Variants in ANKRD13C observed in about 807,000 individuals in gnomAD.
The protein encoded by ANKRD13C is ankyrin repeat domain 13C.
A neutral mutation model predicts 65.5 loss-of-function variants in ANKRD13C; 16 were observed. That is an observed-to-expected ratio of 0.24 (90% CI 0.17 to 0.37). The LOEUF is 0.37. ANKRD13C is among the 10% of genes least tolerant of loss of function. ANKRD13C has a pLI of 1.00. For synonymous variants in ANKRD13C, 235 were observed against 238.7 expected, an observed-to-expected ratio of 0.98 and a Z score of 0.14; for missense variants, 503 against 655.9, an observed-to-expected ratio of 0.77 and a Z score of 2.55.
intron 2 of ANKRD13C, among the ~76,000 whole-genome samples, chr1:70,334,075 G>A (rs988453038): frequency 2.6e-5 from 4 of 152,212 alleles, no homozygotes; most frequent in Non-Finnish European, 5.9e-5. Flanking sequence ...TGTAATCCCA[G>A]TGTTCTGGGA....
intron 12 of ANKRD13C, among the ~76,000 whole-genome samples, chr1:70,269,952 A>G (rs965014476): frequency 6.6e-6 from 1 of 152,190 alleles, no homozygotes; most frequent in East Asian, 1.9e-4. Flanking sequence ...GGAGCTCCTG[A>G]AGCTTGAATT....
chr1:70,274,218 A>G (rs969888168), intron 11 of ANKRD13C, among the ~76,000 whole-genome samples: 1 of 151,746 alleles, frequency 6.6e-6, no homozygotes, highest in African/African-American at 2.4e-5. Context: ...TCACGCCTGT[A>G]ATCCCAGCAC....
intron 1 of ANKRD13C, among the ~76,000 whole-genome samples, chr1:70,344,439 G>C (rs1682443287): frequency 6.6e-6 from 1 of 151,336 alleles, no homozygotes; most frequent in Non-Finnish European, 1.5e-5. Context: ...ACTCCAGCCA[G>C]GATGACAAAG....
At chr1:70,327,582 ATT>A (rs1338875845) in intron 2 of ANKRD13C, among the ~76,000 whole-genome samples, 3 of 152,224 alleles carry the variant, frequency 2.0e-5, no homozygotes, top group Non-Finnish European at 4.4e-5. Flanking sequence ...TCTGGGAACA[ATT>A]GGAGAAATCT....
intron 5 of ANKRD13C, among the ~76,000 whole-genome samples, chr1:70,307,926 G>C (rs971090298): frequency 6.6e-6 from 1 of 151,924 alleles, no homozygotes; most frequent in African/African-American, 2.4e-5. Context: ...TCCAGCCCAG[G>C]TGACACAGCA....
At chr1:70,322,172 G>C (rs1318830496) in intron 3 of ANKRD13C, among the ~76,000 whole-genome samples, 4 of 152,028 alleles carry the variant, frequency 2.6e-5, no homozygotes, top group Non-Finnish European at 4.4e-5. Context: ...AAAATTAGTT[G>C]GGCACTGTGG....
chr1:70,314,210 T>C (rs1680974901), intron 4 of ANKRD13C, among the ~76,000 whole-genome samples: 1 of 151,528 alleles, frequency 6.6e-6, no homozygotes, highest in Non-Finnish European at 1.5e-5. Context: ...TCATATAATA[T>C]CTATGAAAAA....
intron 9 of ANKRD13C, among the ~76,000 whole-genome samples, chr1:70,278,618 A>C (rs957861622): frequency 2.6e-5 from 4 of 152,194 alleles, no homozygotes; most frequent in African/African-American, 9.7e-5. Flanking sequence ...AAAAGACAAT[A>C]AGTGAAAGAC....
At chr1:70,350,725 T>C (rs536316261) in intron 1 of ANKRD13C, among the ~76,000 whole-genome samples, 2 of 146,852 alleles carry the variant, frequency 1.4e-5, no homozygotes, top group Non-Finnish European at 3.1e-5. Flanking sequence ...TCCTAATCAA[T>C]AGAAATACTT....
In ANKRD13C at chr1:70,296,090, G is replaced by T. The variant is rs200906843; in HGVS notation, c.1053+40C>A. On this transcript the variant is annotated intron_variant, in intron 8 of 12. Coordinates refer to ENST00000370944, the MANE Select transcript of ANKRD13C (RefSeq NM_030816.5). The stretch of plus-strand genomic sequence containing the variant: ...CGTTATTTTGGAAATATTAAATACC[G>T]AACAATGCTTAAAGTTTAAAAATCT... 5.0e-6 allele frequency: 8 copies of T among 1,598,908 alleles called. No homozygotes were observed. The Admixed American group carries it at 1.2e-4, about 24-fold the overall frequency.
intron 9 of ANKRD13C, among the ~76,000 whole-genome samples, chr1:70,291,995 G>A (rs750324532): frequency 6.6e-6 from 1 of 151,354 alleles, no homozygotes; most frequent in Non-Finnish European, 1.5e-5. Context: ...AGCAGGGCCT[G>A]TAATCCCAGC....
At chr1:70,299,290 G>C (rs552321776) in intron 7 of ANKRD13C, among the ~76,000 whole-genome samples, 1 of 152,282 alleles carries the variant, frequency 6.6e-6, no homozygotes, top group South Asian at 2.1e-4. Flanking sequence ...TAAGAAAAAG[G>C]CTAGAAAGGT....
intron 5 of ANKRD13C, among the ~76,000 whole-genome samples, chr1:70,307,974 GA>G (rs978782462): frequency 1.6e-3 from 249 of 152,052 alleles, no homozygotes; most frequent in African/African-American, 5.8e-3. Flanking sequence ...AAGAAAGAAA[GA>G]AAAAACTTTT....
chr1:70,302,184 T>G (rs1680385518), intron 6 of ANKRD13C, among the ~76,000 whole-genome samples: 2 of 151,914 alleles, frequency 1.3e-5, no homozygotes, highest in Admixed American at 6.6e-5. Context: ...AATCTAAGAA[T>G]GAAAGTGACA....
At position 70,349,033 on chromosome 1, in the gene ANKRD13C, C is replaced by A. The variant is rs375376892; in HGVS notation, c.430+4946G>T. 3.1e-3 allele frequency among the ~76,000 whole-genome samples: 466 copies of A among 152,246 alleles called. 4 individuals carry two copies. The highest frequency in any genetic ancestry group is 6.8e-3 in the Middle Eastern group (2 of 294). On this transcript the variant is annotated intron_variant, in intron 1 of 12. Coordinates refer to ENST00000370944, the MANE Select transcript of ANKRD13C (RefSeq NM_030816.5). ...GAGAAGCTGCTTAGCTTCTTAAAGA[C>A]ATTTAACTCAAAGGAAAAAACAAAA...
intron 2 of ANKRD13C, among the ~76,000 whole-genome samples, chr1:70,331,380 G>A (rs1027815362): frequency 3.3e-4 from 50 of 151,732 alleles, no homozygotes; most frequent in African/African-American, 1.2e-3. Flanking sequence ...AGCCAATATG[G>A]TGAAACCCCG....
intron 1 of ANKRD13C, among the ~76,000 whole-genome samples, chr1:70,343,222 A>G (rs548010563): frequency 7.9e-5 from 12 of 152,338 alleles, no homozygotes; most frequent in African/African-American, 2.6e-4. Flanking sequence ...TGCTAATTCA[A>G]TATTTTAAAT....
intron 6 of ANKRD13C, 120 bp from the exon 7 acceptor site, chr1:70,301,028 TCAAATTTATAGATAAAAA>T (rs1306580825): frequency 6.0e-6 from 6 of 1,005,504 alleles, no homozygotes; most frequent in African/African-American, 5.1e-5. Context: ...TATTGCAAAG[TCAAATTTATAGATAAAAA>T]CAAATTTATA....
At chr1:70,351,591 G>T (rs1006644063) in intron 1 of ANKRD13C, among the ~76,000 whole-genome samples, 1 of 151,976 alleles carries the variant, frequency 6.6e-6, no homozygotes, top group Non-Finnish European at 1.5e-5. Flanking sequence ...GTAGAGACGG[G>T]GTTTCACTAT....
Sources: allele counts gnomAD v4.1 joint callset (sites outside exome capture counted in the v4.1 genomes callset), GRCh38; gene constraint gnomAD v4.1.1; transcripts MANE v1.5; gene names NCBI Gene and HGNC (gene_info 2026-07-23, HGNC 2026-07-21).